RASEF: variants seen among roughly 807,000 people sequenced by gnomAD.
RASEF encodes the protein RAS and EF-hand domain containing, also known as ras and EF-hand domain-containing protein.
RASEF carries 68 observed loss-of-function variants against 90.1 expected under a neutral mutation model. That is an observed-to-expected ratio of 0.75 (90% confidence interval 0.62 to 0.92). The LOEUF is 0.92. Ranked by LOEUF, RASEF falls within the 40% of genes least tolerant of loss-of-function variation. The pLI, the probability that RASEF is intolerant of heterozygous loss-of-function variation, is 0.00. For missense variants in RASEF, 949 were observed against 937.2 expected, an observed-to-expected ratio of 1.01 and a Z score of -0.16; for synonymous variants, 331 against 345.2, an observed-to-expected ratio of 0.96 and a Z score of 0.46.
chr9:82,989,229 C>A (rs11139890), intron 16 of RASEF, among the ~76,000 whole-genome samples: 1 of 151,286 alleles, frequency 6.6e-6, no homozygotes, highest in South Asian at 2.1e-4. Context: ...TGCATGTGTG[C>A]GTGTGTGTGT....
intron 2 of RASEF, among the ~76,000 whole-genome samples, chr9:83,022,640 A>G (rs1056935366): frequency 2.6e-5 from 4 of 152,218 alleles, no homozygotes; most frequent in Admixed American, 6.5e-5. Context: ...ACAGTTATGC[A>G]TTCCTTAACA....
At chr9:83,075,648 A>G in the RASEF span, among the ~76,000 whole-genome samples, 3 of 152,226 alleles carry the variant, frequency 2.0e-5, no homozygotes, top group African/African-American at 7.2e-5. Context: ...AATTTATTTT[A>G]GCTCTAGGGG....
intron 13 of RASEF, among the ~76,000 whole-genome samples, chr9:82,998,129 G>C (rs138006984): frequency 1.3e-5 from 2 of 152,276 alleles, no homozygotes; most frequent in African/African-American, 4.8e-5. Context: ...CTGAACATCA[G>C]CTCAAAAGAA....
chr9:83,217,188 G>A, the RASEF span, among the ~76,000 whole-genome samples: 1 of 152,066 alleles, frequency 6.6e-6, no homozygotes, highest in African/African-American at 2.4e-5. Flanking sequence ...GTATTTATCC[G>A]ATGCTTTTAC....
At chr9:83,102,741 C>T in the RASEF span, among the ~76,000 whole-genome samples, 1 of 152,284 alleles carries the variant, frequency 6.6e-6, no homozygotes, top group Non-Finnish European at 1.5e-5. Context: ...GTAATTTTGC[C>T]AGGCTCTGGG....
chr9:82,984,036 T>C (rs1168043554), intron 16 of RASEF, among the ~76,000 whole-genome samples: 1 of 152,222 alleles, frequency 6.6e-6, no homozygotes. Flanking sequence ...AGTTTTGGGA[T>C]GGTTTATGAT....
In RASEF at chr9:82,980,895, C is replaced by G. The variant is rs1464726668; in HGVS notation, c.*1782G>C. The G allele has an allele frequency of 2.0e-5, 3 of 152,138 alleles. No homozygotes were observed. The highest frequency in any genetic ancestry group is 4.8e-5 in the African/African-American group (2 of 41,414). 9.4% of individuals were successfully genotyped at this position (152,138 alleles called of 1,614,324 possible). On this transcript the variant is annotated 3_prime_UTR_variant, in exon 17 of 17. Transcript: ENST00000376447. Reference sequence around the variant, plus strand: ...AGTTACTGAGGATAGATCCAACTTTCCAGCAAAAATATCAGATGTCTTCAA... The same window carrying G: ...AGTTACTGAGGATAGATCCAACTTTGCAGCAAAAATATCAGATGTCTTCAA...
the RASEF span, among the ~76,000 whole-genome samples, chr9:83,106,856 T>G: frequency 6.6e-6 from 1 of 152,166 alleles, no homozygotes; most frequent in Non-Finnish European, 1.5e-5. Flanking sequence ...TTTCATTCTC[T>G]TCCTGCTTAA....
the RASEF span, among the ~76,000 whole-genome samples, chr9:83,180,317 G>A: frequency 2.6e-5 from 4 of 152,168 alleles, no homozygotes; most frequent in South Asian, 8.3e-4. Flanking sequence ...TGTCTAAGGA[G>A]GAAATTTCAG....
At chr9:83,115,171 A>T in the RASEF span, among the ~76,000 whole-genome samples, 2 of 152,310 alleles carry the variant, frequency 1.3e-5, no homozygotes, top group Non-Finnish European at 1.5e-5. Flanking sequence ...CCCGATATCT[A>T]GCTGAATTTC....
the RASEF span, among the ~76,000 whole-genome samples, chr9:83,177,202 AG>A: frequency 1.3e-5 from 2 of 152,116 alleles, no homozygotes; most frequent in Non-Finnish European, 2.9e-5. Context: ...TACCTTTACC[AG>A]TGTTCTTTAT....
upstream of RASEF, among the ~76,000 whole-genome samples, chr9:83,065,756 A>T (rs1830277388): frequency 6.6e-6 from 1 of 152,160 alleles, no homozygotes; most frequent in Non-Finnish European, 1.5e-5. Context: ...AACACCAATT[A>T]TTCTATCATT....
chr9:83,144,391 G>GAAAGAAAGGAAGGAAGGAAGGAAA, the RASEF span, among the ~76,000 whole-genome samples: 1 of 33,220 alleles, frequency 3.0e-5, no homozygotes, highest in African/African-American at 1.0e-4. Flanking sequence ...AAGAAAGAAA[G>GAAAGAAAGGAAGGAAGGAAGGAAA]GAAAGAAAGA....
intron 1 of RASEF, among the ~76,000 whole-genome samples, chr9:83,033,480 C>T (rs927876426): frequency 6.6e-6 from 1 of 152,152 alleles, no homozygotes; most frequent in African/African-American, 2.4e-5. Flanking sequence ...CATCAATAGC[C>T]ACAGGCTGTG....
At chr9:83,049,016 C>T (rs1182710330) in intron 1 of RASEF, among the ~76,000 whole-genome samples, 2 of 150,990 alleles carry the variant, frequency 1.3e-5, no homozygotes, top group South Asian at 2.1e-4. Flanking sequence ...CCCAGCTACT[C>T]GGGAGGCTGA....
At chr9:83,018,393 T>G (rs1384190701) in intron 3 of RASEF, among the ~76,000 whole-genome samples, 13 of 152,140 alleles carry the variant, frequency 8.5e-5, no homozygotes. Context: ...TATGACATAC[T>G]GAGTATATCT....
At chr9:83,107,460 A>C in the RASEF span, among the ~76,000 whole-genome samples, 2 of 151,882 alleles carry the variant, frequency 1.3e-5, no homozygotes, top group Non-Finnish European at 2.9e-5. Context: ...TGCAGTCATC[A>C]CCTCCTCTCT....
At chr9:83,056,455 A>G (rs183526006) in intron 1 of RASEF, among the ~76,000 whole-genome samples, 218 of 152,332 alleles carry the variant, frequency 1.4e-3, no homozygotes, top group Middle Eastern at 6.8e-3. Context: ...GTAATAAGTG[A>G]TACATGAAGC....
Position 83,000,938 on chromosome 9 carries a change from G to A in RASEF, c.1395C>T (p.His465=), listed in dbSNP as rs373103397. ...YKHQRGFQRS[H]GVQESFGGDA... ...CACCTCCAAAGCTCTCCTGCACCCC[G>A]TGTGACCTCTGAAATCCCCTCTGGT... Residue 465 remains histidine, a synonymous_variant, in exon 10 of 17, where the codon CAC becomes CAT. Transcript: ENST00000376447. 28 of 1,613,988 alleles carry A rather than the reference G, an allele frequency of 1.7e-5. No individual in the cohort carries two copies. The African/African-American group carries it at 2.3e-4, about 13-fold the overall frequency.
Sources: gnomAD v4.1 joint callset for allele counts (sites outside exome capture counted in the v4.1 genomes callset) on GRCh38, gnomAD v4.1.1 for gene constraint, MANE v1.5 for transcripts, NCBI Gene and HGNC (gene_info 2026-07-23, HGNC 2026-07-21) for gene names.